The following PKLR variants were observed in gnomAD, a reference collection of about 807,000 sequenced individuals.
PKLR encodes the protein pyruvate kinase L/R.
Under a neutral mutation model 53.6 loss-of-function variants are expected in PKLR, and 38 were observed. The observed-to-expected ratio is 0.71, with a 90% CI of 0.55 to 0.93. The LOEUF (loss-of-function observed/expected upper bound fraction) is 0.93, where lower values mean the gene tolerates loss of function less well. PKLR is among the 40% of genes least tolerant of loss of function. The pLI, the probability that PKLR is intolerant of heterozygous loss-of-function variation, is 0.00. For missense variants in PKLR, 702 were observed against 787.3 expected, an observed-to-expected ratio of 0.89 and a Z score of 1.30; for synonymous variants, 328 against 316.2, an observed-to-expected ratio of 1.04 and a Z score of -0.39.
At chr1:155,292,600 T>G (rs1473199620) in intron 9 of PKLR, among the ~76,000 whole-genome samples, 3 of 152,068 alleles carry the variant, frequency 2.0e-5, no homozygotes, top group African/African-American at 7.2e-5. Context: ...TTGCACCATT[T>G]TACTCCAGCC....
intron 2 of PKLR, among the ~76,000 whole-genome samples, chr1:155,296,710 T>C (rs887609499): frequency 3.3e-5 from 5 of 151,310 alleles, no homozygotes; most frequent in African/African-American, 9.7e-5. Context: ...CTTTCATCAT[T>C]AAAAAAAAAT....
chr1:155,305,440 AAGAG>A (rs1259889628), upstream of PKLR, among the ~76,000 whole-genome samples: 2 of 152,148 alleles, frequency 1.3e-5, no homozygotes, highest in South Asian at 2.1e-4. Context: ...TTGGAAAAGA[AAGAG>A]AGAGATAGTA....
chr1:155,290,575 G>A lies in PKLR; in HGVS notation c.1722C>T (p.Ser574=). Residue 574 remains serine, a synonymous_variant, in exon 11 of 11, where the codon TCC becomes TCT. Transcript: ENST00000342741. ...GGCCAGAGGAGGGAGGGGCGTCTCA[G>A]GATATGCTTAGCACCCGCATGATGT... ...YTNIMRVLSI[S] is the part of the protein sequence containing the mutation. 1 of 1,598,058 alleles carries A rather than the reference G, an allele frequency of 6.3e-7. No individual in the cohort carries two copies. The highest frequency in any genetic ancestry group is 8.6e-7 in the Non-Finnish European group (1 of 1,165,788).
At chr1:155,292,403 A>G (rs1647259795) in intron 9 of PKLR, among the ~76,000 whole-genome samples, 1 of 152,226 alleles carries the variant, frequency 6.6e-6, no homozygotes, top group Non-Finnish European at 1.5e-5. Flanking sequence ...TGGGAGGCCA[A>G]GGAGGGTGGA....
chr1:155,292,954 G>A (rs1431843718), intron 9 of PKLR, among the ~76,000 whole-genome samples: 3 of 152,106 alleles, frequency 2.0e-5, no homozygotes, highest in African/African-American at 7.2e-5. Flanking sequence ...AGCCCAAATG[G>A]CCTTGAAGCC....
the PKLR span, among the ~76,000 whole-genome samples, chr1:155,307,878 C>A: frequency 6.6e-6 from 1 of 151,992 alleles, no homozygotes; most frequent in African/African-American, 2.4e-5. Context: ...TCACTTGAAC[C>A]CGGGAAGCGA....
At position 155,295,144 on chromosome 1, in the gene PKLR, C is replaced by T. The variant is rs555325288; in HGVS notation, c.666G>A (p.Gly222=). The change falls in exon 5 of 11, where the codon GGG becomes GGA. Residue 222 remains glycine, a synonymous_variant. Transcript: ENST00000342741. The surrounding 1 kb of genome is among the most constrained non-coding windows in gnomAD (Gnocchi z 4.3). The stretch of plus-strand genomic sequence containing the variant: ...TTTTCTGGACCACTAGGGAGATGAG[C>T]CCGTCGTCAATGTAGATGCGGCCCC... ...PVGGRIYIDD[G]LISLVVQKIG... is the part of the protein sequence containing the mutation. The T allele has an allele frequency of 1.9e-6, 3 of 1,614,122 alleles. No individual in the cohort carries two copies. The highest frequency in any genetic ancestry group is 2.7e-5 in the African/African-American group (2 of 75,064).
rs757534925 is a variant in PKLR at position 155,291,898 on chromosome 1, T to C, written c.1476A>G (p.Ala492=). The C allele has an allele frequency of 1.2e-6, 2 of 1,613,822 alleles. No homozygotes were observed. The highest frequency in any genetic ancestry group is 1.7e-6 in the Non-Finnish European group (2 of 1,180,004). ...GGGCAGAGCGGGTGACAGCAATGAC[T>C]GCTGCCCGAGGTCGGTACCGAGACA... The part of the protein sequence containing the change: ...QLLSRYRPRA[A]VIAVTRSAQA... The change falls in exon 10 of 11, where the codon GCA becomes GCG. Residue 492 remains alanine (A), a synonymous_variant. Coordinates refer to ENST00000342741, the MANE Select transcript of PKLR (RefSeq NM_000298.6).
chr1:155,290,322 C>A lies in PKLR; in HGVS notation c.*250G>T. On this transcript the variant is annotated 3_prime_UTR_variant, in exon 11 of 11. Transcript: ENST00000342741. ...GGATGCAGGGAATGTACAATTGGTGCTGTTGGGTGGCCAGTGCATAATTGG... is the reference window on the plus strand; with the variant it reads ...GGATGCAGGGAATGTACAATTGGTGATGTTGGGTGGCCAGTGCATAATTGG... The A allele has an allele frequency of 1.8e-6, 1 of 551,216 alleles. No individual in the cohort carries two copies. Among genetic ancestry groups the A allele is most frequent in the East Asian group, 3.1e-5 (1 of 31,972 alleles). 34.1% of individuals were successfully genotyped at this position (551,216 alleles called of 1,614,324 possible). A position where few individuals can be genotyped will look rare whatever the true frequency, so the allele number is the denominator to read the frequency against.
rs181993389 is a variant in PKLR at position 155,298,957 on chromosome 1, T to C, written c.283+1141A>G. Among the ~76,000 whole-genome samples the C allele has an allele frequency of 2.1e-3, 47 of 22,524 alleles. No individual in the cohort carries two copies. The East Asian group carries it at 0.041, about 20-fold the overall frequency. The allele number at this position is 22,524 out of a possible 152,430, so 14.8% of individuals were successfully genotyped here. A position where few individuals can be genotyped will look rare whatever the true frequency, so the allele number is the denominator to read the frequency against. ...CATGCCCGGCCAACTTTCACTCCTTTCTTTCTTTCTTTCTTTCTTTCTTTC... is the reference window on the plus strand; with the variant it reads ...CATGCCCGGCCAACTTTCACTCCTTCCTTTCTTTCTTTCTTTCTTTCTTTC... On this transcript the variant is annotated intron_variant, in intron 2 of 10. Coordinates refer to ENST00000342741, the MANE Select transcript of PKLR (RefSeq NM_000298.6).
upstream of PKLR, chr1:155,301,440 G>T: frequency 6.2e-7 from 1 of 1,613,954 alleles, no homozygotes; most frequent in South Asian, 1.1e-5. Flanking sequence ...GAATGAGAGG[G>T]AGAGGATGAC....
chr1:155,300,020 A>G, intron 2 of PKLR, 78 bp downstream of exon 2: 2 of 1,397,114 alleles, frequency 1.4e-6, no homozygotes. Flanking sequence ...AGAAGTCTCA[A>G]AGGAGACAAA....
At chr1:155,304,562 G>A (rs963200713), upstream of PKLR, among the ~76,000 whole-genome samples, 10 of 152,000 alleles carry the variant, frequency 6.6e-5, no homozygotes, top group Non-Finnish European at 4.4e-5. Flanking sequence ...AGAGGGGGAC[G>A]GCTTGGAGAT....
chr1:155,295,376 C>G lies in PKLR; in HGVS notation c.507+61G>C. 1 of 1,612,876 alleles carries G rather than the reference C, an allele frequency of 6.2e-7. No individual in the cohort carries two copies. The highest frequency in any genetic ancestry group is 8.5e-7 in the Non-Finnish European group (1 of 1,179,440). ...GACCCGCCCCTGCCCACGCCTGGGC[C>G]CAACCCTACAGGCGCCGCCTTTCCG... On this transcript the variant is annotated intron_variant, in intron 4 of 10. Coordinates refer to ENST00000342741, the MANE Select transcript of PKLR (RefSeq NM_000298.6). The surrounding 1 kb of genome is among the most constrained non-coding windows in gnomAD (Gnocchi z 4.3).
At chr1:155,303,809 CAAGAT>C (rs1407506714), upstream of PKLR, among the ~76,000 whole-genome samples, 2 of 151,734 alleles carry the variant, frequency 1.3e-5, no homozygotes, top group Admixed American at 6.6e-5. Flanking sequence ...ATATTTTAGA[CAAGAT>C]GAGATGGTTG....
In PKLR at chr1:155,290,305, G is replaced by A. The variant is rs932972; in HGVS notation, c.*267C>T. 0.31 allele frequency: 162,792 copies of A among 517,590 alleles called. 30,088 individuals are homozygous for A. The highest frequency in any genetic ancestry group is 0.71 in the East Asian group (20,639 of 28,962). The allele number at this position is 517,590 out of a possible 1,614,324, so 32.1% of individuals were successfully genotyped here. A position where few individuals can be genotyped will look rare whatever the true frequency, so the allele number is the denominator to read the frequency against. On this transcript the variant is annotated 3_prime_UTR_variant, in exon 11 of 11. Coordinates refer to ENST00000342741, the MANE Select transcript of PKLR (RefSeq NM_000298.6). Reference sequence around the variant, plus strand: ...GGCCTGCTGAGCAGATTGGATGCAGGGAATGTACAATTGGTGCTGTTGGGT... The same window carrying A: ...GGCCTGCTGAGCAGATTGGATGCAGAGAATGTACAATTGGTGCTGTTGGGT...
Position 155,290,479 on chromosome 1 carries a change from T to C in PKLR, c.*93A>G, listed in dbSNP as rs999920367. On this transcript the variant is annotated 3_prime_UTR_variant, in exon 11 of 11. Coordinates refer to ENST00000342741, the MANE Select transcript of PKLR (RefSeq NM_000298.6). Reference sequence around the variant, plus strand: ...GAATAGAGAAGAGAGGACTTAAAGGTGGGGCTTTGGAGGGGTGTGGGCTGG... The same window carrying C: ...GAATAGAGAAGAGAGGACTTAAAGGCGGGGCTTTGGAGGGGTGTGGGCTGG... 1 of 758,008 alleles carries C rather than the reference T, an allele frequency of 1.3e-6. No homozygotes were observed. Among genetic ancestry groups the C allele is most frequent in the Non-Finnish European group, 2.3e-6 (1 of 427,222 alleles). 47.0% of individuals were successfully genotyped at this position (758,008 alleles called of 1,614,324 possible).
chr1:155,304,691 T>C (rs1273273332), upstream of PKLR, among the ~76,000 whole-genome samples: 1 of 152,174 alleles, frequency 6.6e-6, no homozygotes, highest in African/African-American at 2.4e-5. Context: ...TAACTGAGAC[T>C]ACGGAAGAAA....
intron 7 of PKLR, 68 bp downstream of exon 7, chr1:155,294,165 AGT>A: frequency 6.9e-7 from 1 of 1,450,044 alleles, no homozygotes; most frequent in Non-Finnish European, 9.7e-7. Context: ...AAACCCCTAC[AGT>A]GTGGGTATTC....
Sources: allele counts gnomAD v4.1 joint callset (sites outside exome capture counted in the v4.1 genomes callset), GRCh38; gene constraint gnomAD v4.1.1; non-coding constraint Gnocchi (gnomAD v3.1); transcripts MANE v1.5; gene names NCBI Gene and HGNC (gene_info 2026-07-23, HGNC 2026-07-21).